HS3ST3A1: variants seen among roughly 807,000 people sequenced by gnomAD.
HS3ST3A1 encodes heparan sulfate glucosamine 3-O-sulfotransferase 3A1.
A neutral mutation model predicts 25.7 loss-of-function variants in HS3ST3A1; 19 were observed. The observed-to-expected ratio is 0.74, with a 90% CI of 0.52 to 1.08. The LOEUF (loss-of-function observed/expected upper bound fraction) is 1.08, where lower values mean the gene tolerates loss of function less well. Ranked by LOEUF, HS3ST3A1 falls within the 50% of genes least tolerant of loss-of-function variation. The pLI is 0.00. For missense variants in HS3ST3A1, 459 were observed against 594.3 expected, an observed-to-expected ratio of 0.77 and a Z score of 2.37; for synonymous variants, 226 against 278.6, an observed-to-expected ratio of 0.81 and a Z score of 1.88.
At position 13,574,091 on chromosome 17, in the gene HS3ST3A1, C is replaced by T. The variant is rs111670858; in HGVS notation, c.599+26440G>A. Among the ~76,000 whole-genome samples, 860 of 151,186 alleles carry T rather than the reference C, an allele frequency of 5.7e-3. 11 individuals carry two copies. Among genetic ancestry groups the T allele is most frequent in the African/African-American group, 0.02 (837 of 41,156 alleles). ...AGTTCTCACCCCAGTACTCTCTATC[C>T]TTGTGCTCAATTAATTCAGTATATA... On this transcript the variant is annotated intron_variant, in intron 1 of 1. Coordinates refer to ENST00000284110, the MANE Select transcript of HS3ST3A1 (RefSeq NM_006042.3).
At chr17:13,553,123 T>G (rs1404757991) in intron 1 of HS3ST3A1, among the ~76,000 whole-genome samples, 1 of 152,170 alleles carries the variant, frequency 6.6e-6, no homozygotes, top group Admixed American at 6.5e-5. Flanking sequence ...TTGCTTTGGC[T>G]AAAGGGTGCA....
chr17:13,515,277 A>T (rs991772125), intron 1 of HS3ST3A1, among the ~76,000 whole-genome samples: 2 of 152,152 alleles, frequency 1.3e-5, no homozygotes, highest in African/African-American at 4.8e-5. Flanking sequence ...CTCCCGCCTC[A>T]GCTTCCCGAG....
chr17:13,515,272 G>C (rs139299072), intron 1 of HS3ST3A1, among the ~76,000 whole-genome samples: 2 of 152,108 alleles, frequency 1.3e-5, no homozygotes, highest in African/African-American at 4.8e-5. Context: ...CGATTCTCCC[G>C]CCTCAGCTTC....
intron 1 of HS3ST3A1, among the ~76,000 whole-genome samples, chr17:13,497,456 A>G (rs1464211422): frequency 6.6e-6 from 1 of 152,260 alleles, no homozygotes; most frequent in African/African-American, 2.4e-5. Context: ...ATCGTGTGAT[A>G]GTATACTTTC....
chr17:13,577,376 G>T (rs1209388512), intron 1 of HS3ST3A1, among the ~76,000 whole-genome samples: 3 of 152,142 alleles, frequency 2.0e-5, no homozygotes, highest in Non-Finnish European at 4.4e-5. Flanking sequence ...TCAGTTCATT[G>T]TATTCCTGGG....
intron 1 of HS3ST3A1, among the ~76,000 whole-genome samples, chr17:13,547,363 A>C (rs534121511): frequency 1.3e-5 from 2 of 152,316 alleles, no homozygotes; most frequent in African/African-American, 4.8e-5. Flanking sequence ...GGTTGCCAGA[A>C]AGACCAACGC....
intron 1 of HS3ST3A1, among the ~76,000 whole-genome samples, chr17:13,591,169 C>T (rs1001341161): frequency 1.1e-4 from 17 of 151,638 alleles, no homozygotes; most frequent in Non-Finnish European, 1.6e-4. Context: ...ACCTCAGCCT[C>T]CGGAGTACCT....
At chr17:13,582,685 T>C (rs1789774974) in intron 1 of HS3ST3A1, among the ~76,000 whole-genome samples, 1 of 152,218 alleles carries the variant, frequency 6.6e-6, no homozygotes, top group African/African-American at 2.4e-5. Flanking sequence ...ACGTTTTCAT[T>C]TGCATAGTAC....
rs555297459 is a variant in HS3ST3A1, at chr17:13,494,969, C to T, written c.*1228G>A. ...ATAAAGTGACAAAATGATAGTCCTC[C>T]ATCCATGAAAAATAAAAACATTTTA... On this transcript the variant is annotated 3_prime_UTR_variant, in exon 2 of 2. Transcript: ENST00000284110. Among the ~76,000 whole-genome samples the T allele has an allele frequency of 6.6e-6, 1 of 152,182 alleles. No individual in the cohort carries two copies. Among genetic ancestry groups the T allele is most frequent in the South Asian group, 2.1e-4 (1 of 4,822 alleles).
At chr17:13,536,153 G>C (rs925764637) in intron 1 of HS3ST3A1, among the ~76,000 whole-genome samples, 8 of 152,126 alleles carry the variant, frequency 5.3e-5, no homozygotes, top group African/African-American at 1.7e-4. Context: ...TCATCTCCCA[G>C]AAGTTCAACT....
At chr17:13,518,053 C>T (rs898407446) in intron 1 of HS3ST3A1, among the ~76,000 whole-genome samples, 2 of 152,038 alleles carry the variant, frequency 1.3e-5, no homozygotes, top group African/African-American at 2.4e-5. Context: ...GAGACTAGTG[C>T]TTGTAAAAAT....
intron 1 of HS3ST3A1, among the ~76,000 whole-genome samples, chr17:13,548,625 T>A (rs959652077): frequency 1.3e-5 from 2 of 152,174 alleles, no homozygotes; most frequent in Non-Finnish European, 2.9e-5. Context: ...TGAAGCTGAC[T>A]GGGCTTCTGG....
intron 1 of HS3ST3A1, among the ~76,000 whole-genome samples, chr17:13,559,507 CATTA>C (rs1322990770): frequency 6.7e-6 from 1 of 148,624 alleles, no homozygotes; most frequent in Non-Finnish European, 1.5e-5. Flanking sequence ...TAACATATTA[CATTA>C]ATTACATATT....
Position 13,601,288 on chromosome 17 carries a change from G to T in HS3ST3A1, c.-159C>A, listed in dbSNP as rs1036554867. The T allele has an allele frequency of 1.8e-6, 1 of 545,132 alleles. No individual in the cohort carries two copies. The highest frequency in any genetic ancestry group is 3.1e-6 in the Non-Finnish European group (1 of 327,802). The allele number at this position is 545,132 out of a possible 1,614,324, so 33.8% of individuals were successfully genotyped here. The stretch of plus-strand genomic sequence containing the variant: ...ACTGTCCCGGGAGGCAGCGGCCGGG[G>T]CTCCGCGGGGAAACGGAATCCCGGG... On this transcript the variant is annotated 5_prime_UTR_variant, in exon 1 of 2. Transcript: ENST00000284110.
rs552154795 is a variant in HS3ST3A1, at chr17:13,521,775, A to G, written c.600-24957T>C. Reference sequence around the variant, plus strand: ...CAGGCAATGTTCCTCTCTTCTTGGTAACCCTAGGATTGAGGGAAGTGTGTT... The same window carrying G: ...CAGGCAATGTTCCTCTCTTCTTGGTGACCCTAGGATTGAGGGAAGTGTGTT... On this transcript the variant is annotated intron_variant, in intron 1 of 1. Transcript: ENST00000284110. Among the ~76,000 whole-genome samples, 8 of 152,312 alleles carry G rather than the reference A, an allele frequency of 5.3e-5. No individual in the cohort carries two copies. In the South Asian group the frequency reaches 1.7e-3, roughly 32 times the overall value.
At chr17:13,591,511 G>A (rs1375652824) in intron 1 of HS3ST3A1, among the ~76,000 whole-genome samples, 1 of 152,114 alleles carries the variant, frequency 6.6e-6, no homozygotes, top group Non-Finnish European at 1.5e-5. Flanking sequence ...AACTTCTTTA[G>A]AGAAAAAGGG....
At chr17:13,591,024 T>G (rs1230476151) in intron 1 of HS3ST3A1, among the ~76,000 whole-genome samples, 1 of 151,532 alleles carries the variant, frequency 6.6e-6, no homozygotes, top group East Asian at 1.9e-4. Flanking sequence ...GTCCTTCTGA[T>G]TACATTTATT....
chr17:13,550,680 T>G (rs1010888491), intron 1 of HS3ST3A1, among the ~76,000 whole-genome samples: 4 of 151,866 alleles, frequency 2.6e-5, no homozygotes, highest in African/African-American at 9.7e-5. Context: ...TTACTTGCTT[T>G]AGGTGCAAAA....
chr17:13,601,453 C>G lies in HS3ST3A1; in HGVS notation c.-324G>C, dbSNP rs1908738550. The G allele has an allele frequency of 3.7e-6, 1 of 268,512 alleles. No homozygotes were observed. The highest frequency in any genetic ancestry group is 5.5e-5 in the Admixed American group (1 of 18,280). The allele number at this position is 268,512 out of a possible 1,614,324, so 16.6% of individuals were successfully genotyped here. ...GCCCCTCGGTTCCCCGCAAGAGTCG[C>G]CGGAATCGGGGTCTTGGCAGCGGTG... On this transcript the variant is annotated 5_prime_UTR_variant, in exon 1 of 2. Coordinates refer to ENST00000284110, the MANE Select transcript of HS3ST3A1 (RefSeq NM_006042.3).
Sources: allele counts gnomAD v4.1 joint callset (sites outside exome capture counted in the v4.1 genomes callset), GRCh38; gene constraint gnomAD v4.1.1; transcripts MANE v1.5; gene names NCBI Gene and HGNC (gene_info 2026-07-23, HGNC 2026-07-21).